Variants in LSAMP observed in about 807,000 individuals in gnomAD.
LSAMP encodes limbic system associated membrane protein, also known as limbic system-associated membrane protein.
In LSAMP, 7 loss-of-function variants were observed where a neutral mutation model predicts 38.6. The ratio of observed to expected loss-of-function variants is 0.18; its 90% confidence interval spans 0.10 to 0.34. LSAMP has a LOEUF of 0.34. LSAMP is among the 10% of genes least tolerant of loss of function. LSAMP has a pLI of 1.00. For missense variants in LSAMP, 313 were observed against 420.0 expected, an observed-to-expected ratio of 0.75 and a Z score of 2.23; for synonymous variants, 154 against 166.8, an observed-to-expected ratio of 0.92 and a Z score of 0.59.
Position 115,810,119 on chromosome 3 carries a change from ATGGAC to A in LSAMP, c.*193_*197del, listed in dbSNP as rs1468728979. 1.1e-5 allele frequency: 6 copies of A among 547,336 alleles called. No individual in the cohort carries two copies. Among genetic ancestry groups the A allele is most frequent in the African/African-American group, 1.9e-5 (1 of 52,614 alleles). The allele number at this position is 547,336 out of a possible 1,614,324, so 33.9% of individuals were successfully genotyped here. On this transcript the variant is annotated 3_prime_UTR_variant, in exon 7 of 7. Coordinates refer to ENST00000490035, the MANE Select transcript of LSAMP (RefSeq NM_002338.5). ...CTGAATGATACATAAATTTTTAATG[ATGGAC>A]TGTAAAATTGTTTTAAATGTTGTAT...
At chr3:116,317,861 C>T (rs535772356) in intron 1 of LSAMP, among the ~76,000 whole-genome samples, 27 of 151,470 alleles carry the variant, frequency 1.8e-4, no homozygotes, top group African/African-American at 5.1e-4. Flanking sequence ...TAAGGCCGGG[C>T]GCGGTGGCTC....
At chr3:116,421,090 G>C (rs1405135600) in intron 1 of LSAMP, among the ~76,000 whole-genome samples, 1 of 152,040 alleles carries the variant, frequency 6.6e-6, no homozygotes, top group Non-Finnish European at 1.5e-5. Context: ...TAGAGAAGAA[G>C]GTAAGAATAA....
chr3:115,945,312 A>G (rs1938058671), intron 3 of LSAMP, among the ~76,000 whole-genome samples: 1 of 152,146 alleles, frequency 6.6e-6, no homozygotes, highest in Admixed American at 6.6e-5. Flanking sequence ...CACTGAAAGC[A>G]TTCCTAGGAT....
chr3:116,156,065 G>A (rs1709740380), intron 1 of LSAMP, among the ~76,000 whole-genome samples: 1 of 152,146 alleles, frequency 6.6e-6, no homozygotes, highest in African/African-American at 2.4e-5. Context: ...CAATTTTCCT[G>A]TACAGGATGT....
chr3:116,099,285 C>T (rs772309038), intron 1 of LSAMP, among the ~76,000 whole-genome samples: 15 of 152,086 alleles, frequency 9.9e-5, no homozygotes, highest in Non-Finnish European at 1.8e-4. Context: ...GCTAGTATGG[C>T]TTTGAAATTA....
chr3:116,342,088 G>C (rs899791744), intron 1 of LSAMP, among the ~76,000 whole-genome samples: 10 of 151,978 alleles, frequency 6.6e-5, no homozygotes, highest in African/African-American at 2.4e-4. Context: ...TGTGAGGTTA[G>C]TGATTTAGGT....
At chr3:116,346,395 C>T (rs1263582236) in intron 1 of LSAMP, among the ~76,000 whole-genome samples, 1 of 150,140 alleles carries the variant, frequency 6.7e-6, no homozygotes, top group Non-Finnish European at 1.5e-5. Flanking sequence ...GTGGTACCAT[C>T]TCAGTTCACT....
At chr3:115,937,216 G>C (rs1007331950) in intron 3 of LSAMP, among the ~76,000 whole-genome samples, 1 of 151,826 alleles carries the variant, frequency 6.6e-6, no homozygotes, top group African/African-American at 2.4e-5. Context: ...CCATTTAATC[G>C]ACCAAACCAT....
At chr3:116,322,705 CAG>C (rs2047722074) in intron 1 of LSAMP, among the ~76,000 whole-genome samples, 1 of 152,126 alleles carries the variant, frequency 6.6e-6, no homozygotes, top group Admixed American at 6.6e-5. Context: ...ACTCCAAACT[CAG>C]GGGAATTTGC....
intron 1 of LSAMP, among the ~76,000 whole-genome samples, chr3:116,097,000 C>G (rs1443636709): frequency 6.6e-6 from 1 of 152,162 alleles, no homozygotes; most frequent in Non-Finnish European, 1.5e-5. Context: ...CCCTATGAGC[C>G]TTTGTTCTCT....
chr3:115,972,749 G>T (rs1457378154), intron 3 of LSAMP, among the ~76,000 whole-genome samples: 2 of 151,218 alleles, frequency 1.3e-5, no homozygotes, highest in Non-Finnish European at 3.0e-5. Flanking sequence ...ACAAACCCAT[G>T]TAAACAGTAG....
chr3:116,011,013 C>CTTTTTTTTTTTTTTT lies in LSAMP; in HGVS notation c.514+8501_514+8502insAAAAAAAAAAAAAAA, dbSNP rs1169726977. ...GCACATGAATAAGGCATAGTTTATGCTTTTTTTTGAGACAGAGTCTCACTC... is the reference window on the plus strand; with the variant it reads ...GCACATGAATAAGGCATAGTTTATGCTTTTTTTTTTTTTTTTTTTTTTTGAGACAGAGTCTCACTC... On this transcript the variant is annotated intron_variant, in intron 3 of 6. Transcript: ENST00000490035. Among the ~76,000 whole-genome samples, 1,482 of 150,176 alleles carry CTTTTTTTTTTTTTTT rather than the reference C, an allele frequency of 9.9e-3. 37 individuals carry two copies. Among genetic ancestry groups the CTTTTTTTTTTTTTTT allele is most frequent in the African/African-American group, 0.035 (1,391 of 39,974 alleles).
chr3:115,930,935 CAA>C (rs1230423008), intron 3 of LSAMP, among the ~76,000 whole-genome samples: 1 of 152,040 alleles, frequency 6.6e-6, no homozygotes, highest in East Asian at 1.9e-4. Flanking sequence ...TTTATAAAAA[CAA>C]GATAAAAATT....
At chr3:116,355,335 G>A (rs1382337552) in intron 1 of LSAMP, among the ~76,000 whole-genome samples, 1 of 152,018 alleles carries the variant, frequency 6.6e-6, no homozygotes, top group Non-Finnish European at 1.5e-5. Context: ...CATACATTGG[G>A]AAAAAGACAA....
intron 2 of LSAMP, among the ~76,000 whole-genome samples, chr3:116,044,091 C>T (rs1941239478): frequency 6.6e-6 from 1 of 152,160 alleles, no homozygotes; most frequent in African/African-American, 2.4e-5. Flanking sequence ...TAATATATTA[C>T]CTATTAAGAA....
intron 3 of LSAMP, among the ~76,000 whole-genome samples, chr3:115,854,295 T>A (rs1201337387): frequency 7.0e-6 from 1 of 143,134 alleles, no homozygotes; most frequent in African/African-American, 2.6e-5. Flanking sequence ...TTTTTTTTTT[T>A]TTTTTGAGAT....
At chr3:116,218,905 G>C (rs1481444818) in intron 1 of LSAMP, among the ~76,000 whole-genome samples, 1 of 152,156 alleles carries the variant, frequency 6.6e-6, no homozygotes, top group East Asian at 1.9e-4. Flanking sequence ...GTATGCCTCT[G>C]CTTTTGAACC....
At chr3:115,867,109 G>A (rs1385982041) in intron 3 of LSAMP, among the ~76,000 whole-genome samples, 1 of 151,882 alleles carries the variant, frequency 6.6e-6, no homozygotes. Context: ...CAAACACTGA[G>A]ACAGAAAATC....
chr3:116,323,798 A>G (rs1405077043), intron 1 of LSAMP, among the ~76,000 whole-genome samples: 3 of 152,162 alleles, frequency 2.0e-5, no homozygotes, highest in African/African-American at 7.2e-5. Context: ...TTCTGAGCAC[A>G]GACACCACTA....
Sources: gnomAD v4.1 joint callset for allele counts (sites outside exome capture counted in the v4.1 genomes callset) on GRCh38, gnomAD v4.1.1 for gene constraint, MANE v1.5 for transcripts, NCBI Gene and HGNC (gene_info 2026-07-23, HGNC 2026-07-21) for gene names.